TLE2: variants seen among roughly 807,000 people sequenced by gnomAD.
TLE2 encodes the protein transducin-like enhancer protein 2.
TLE2 carries 74 observed loss-of-function variants against 97.2 expected under a neutral mutation model. The observed-to-expected ratio is 0.76, with a 90% CI of 0.63 to 0.92. The LOEUF is 0.92. Among genes scored for constraint, TLE2 ranks in the 40% least tolerant of loss-of-function variants. TLE2 has a pLI of 0.00. For synonymous variants in TLE2, 499 were observed against 432.1 expected, an observed-to-expected ratio of 1.15 and a Z score of -1.92; for missense variants, 1,038 against 1,008.7, an observed-to-expected ratio of 1.03 and a Z score of -0.39.
At chr19:3,005,292 G>T in intron 17 of TLE2, 145 bp downstream of exon 17, 1 of 1,125,284 alleles carries the variant, frequency 8.9e-7, no homozygotes, top group Non-Finnish European at 1.2e-6. Flanking sequence ...GCCTGTGGAT[G>T]TGTCTGGGGG....
intron 14 of TLE2, among the ~76,000 whole-genome samples, chr19:3,008,036 C>A (rs1302743778): frequency 6.6e-6 from 1 of 152,162 alleles, no homozygotes; most frequent in Non-Finnish European, 1.5e-5. Context: ...GAGCTCAGAT[C>A]TCACCACCGT....
Position 3,006,632 on chromosome 19 carries a change from G to T in TLE2, c.1288C>A (p.Gln430Lys). ...GCATCCGAGGGGAAGGGAACCGGCTGCATCTGCCCGTCCGCAGACACGTGG... is the reference window on the plus strand; with the variant it reads ...GCATCCGAGGGGAAGGGAACCGGCTTCATCTGCCCGTCCGCAGACACGTGG... ...SFHVSADGQM[Q>K]PVPFPSDALV... The change falls in exon 15 of 20, where the codon CAG becomes AAG. Residue 430 changes from glutamine to lysine, a missense_variant. Physicochemically the swap from Gln to Lys is moderately conservative, Grantham distance 53 (BLOSUM62 1). Transcript: ENST00000262953. 6.2e-7 allele frequency: 1 copy of T among 1,609,910 alleles called. No homozygotes were observed.
rs1220243936 is a variant in TLE2, at chr19:3,019,813, C to T, written c.295-40G>A. 1 of 1,595,378 alleles carries T rather than the reference C, an allele frequency of 6.3e-7. No individual in the cohort carries two copies. Reference sequence around the variant, plus strand: ...GGATCAGGTAGAGGGTACATTGAGCCCCTGCTCATGCTAGCGGTGCCCTTG... The same window carrying T: ...GGATCAGGTAGAGGGTACATTGAGCTCCTGCTCATGCTAGCGGTGCCCTTG... On this transcript the variant is annotated intron_variant, in intron 5 of 19. Transcript: ENST00000262953. This position sits in a 1 kb window ranked among gnomAD's most constrained non-coding sequence, Gnocchi z 5.1.
At chr19:3,001,791 CTT>C (rs562875053) in intron 18 of TLE2, among the ~76,000 whole-genome samples, 50,274 of 110,864 alleles carry the variant, frequency 0.45, 11,448 homozygotes, top group East Asian at 0.61. Context: ...TCTTTTCTTT[CTT>C]TTTTTTTTTT....
chr19:3,016,419 C>CAAAAAAAAAA (rs34669546), intron 8 of TLE2, among the ~76,000 whole-genome samples: 71 of 91,012 alleles, frequency 7.8e-4, no homozygotes, highest in Non-Finnish European at 1.0e-3. Context: ...ACTAAAAATA[C>CAAAAAAAAAA]AAAAAAAAAA....
intron 1 of TLE2, among the ~76,000 whole-genome samples, chr19:3,039,784 G>A (rs941024643): frequency 2.6e-5 from 4 of 152,150 alleles, no homozygotes; most frequent in Admixed American, 6.6e-5. Flanking sequence ...CCTGCCCAGC[G>A]CTAACACAAC....
chr19:3,000,028 G>C (rs1302779874), intron 19 of TLE2, among the ~76,000 whole-genome samples: 1 of 150,390 alleles, frequency 6.6e-6, no homozygotes, highest in Non-Finnish European at 1.5e-5. Flanking sequence ...GCAAGATTCT[G>C]TCTCCAAAAA....
At chr19:3,036,117 G>T (rs2090060778) in intron 1 of TLE2, among the ~76,000 whole-genome samples, 1 of 152,190 alleles carries the variant, frequency 6.6e-6, no homozygotes, top group South Asian at 2.1e-4. Flanking sequence ...GAGCCTGGGG[G>T]CTCCAGGAAC....
intron 12 of TLE2, among the ~76,000 whole-genome samples, chr19:3,010,233 G>C (rs1228721381): frequency 1.3e-5 from 2 of 151,892 alleles, no homozygotes; most frequent in East Asian, 2.0e-4. Flanking sequence ...GCATGGTGGT[G>C]CATGCCCGTA....
intron 1 of TLE2, among the ~76,000 whole-genome samples, chr19:3,034,761 G>A (rs1260953163): frequency 6.6e-6 from 1 of 151,870 alleles, no homozygotes; most frequent in African/African-American, 2.4e-5. Flanking sequence ...TTTAGTCTAC[G>A]AACACCTCCA....
chr19:3,044,578 C>T (rs554232467), intron 1 of TLE2, among the ~76,000 whole-genome samples: 19 of 152,334 alleles, frequency 1.2e-4, no homozygotes, highest in African/African-American at 4.3e-4. Flanking sequence ...CGCCACCACG[C>T]CCGGCTAATT....
intron 5 of TLE2, among the ~76,000 whole-genome samples, chr19:3,024,479 C>T (rs2089905913): frequency 6.6e-6 from 1 of 152,068 alleles, no homozygotes. Context: ...CTGGCACCCC[C>T]CATTCTGCTT....
Position 3,006,588 on chromosome 19 carries a change from G to A in TLE2, c.1332C>T (p.Ile444=). 3 of 1,607,074 alleles carry A rather than the reference G, an allele frequency of 1.9e-6. No individual in the cohort carries two copies. ...TGTGCAGCTGCCGGGCGTGCCGCGG[G>A]ATGCCCGCGCCTACCAGTGCATCCG... The part of the protein sequence containing the change: ...FPSDALVGAG[I]PRHARQLHTL... Residue 444 remains isoleucine, a synonymous_variant, in exon 15 of 20, where the codon ATC becomes ATT. Transcript: ENST00000262953.
In TLE2 at chr19:2,997,743, T is replaced by G. The variant is rs769043492; in HGVS notation, c.*105A>C. The G allele has an allele frequency of 7.5e-6, 6 of 795,270 alleles. No individual in the cohort carries two copies. Among genetic ancestry groups the G allele is most frequent in the Non-Finnish European group, 1.3e-5 (6 of 470,862 alleles). 49.3% of individuals were successfully genotyped at this position (795,270 alleles called of 1,614,324 possible). A position where few individuals can be genotyped will look rare whatever the true frequency, so the allele number is the denominator to read the frequency against. The stretch of plus-strand genomic sequence containing the variant: ...GCCGTTGGCCAGAGAGCAGATGGGA[T>G]GTACGGTTCCTAGGCAGGGCTGGGA... On this transcript the variant is annotated 3_prime_UTR_variant, in exon 20 of 20. Transcript: ENST00000262953.
intron 4 of TLE2, 147 bp from the exon 5 acceptor site, chr19:3,025,229 G>T (rs1441732500): frequency 6.7e-5 from 73 of 1,082,154 alleles, no homozygotes; most frequent in Non-Finnish European, 8.5e-5. Context: ...GGCTAGCATG[G>T]CATGGGCCGA....
chr19:3,031,783 A>C (rs1305559601), upstream of TLE2, among the ~76,000 whole-genome samples: 1 of 152,084 alleles, frequency 6.6e-6, no homozygotes, highest in Non-Finnish European at 1.5e-5. Context: ...TTATCATTCA[A>C]GTCTCAGCTC....
intron 19 of TLE2, among the ~76,000 whole-genome samples, chr19:2,999,467 C>A (rs1474467759): frequency 6.6e-6 from 1 of 152,094 alleles, no homozygotes; most frequent in Admixed American, 6.6e-5. Flanking sequence ...GTGGCTCACA[C>A]CTGTAATCCC....
At chr19:3,009,854 T>C (rs561725625) in intron 12 of TLE2, among the ~76,000 whole-genome samples, 152 bp from the exon 13 acceptor site, 1 of 150,994 alleles carries the variant, frequency 6.6e-6, no homozygotes, top group Non-Finnish European at 1.5e-5. Context: ...CTCTGCACTA[T>C]CGTTCCTCCA....
chr19:3,031,807 T>A (rs556892223), upstream of TLE2, among the ~76,000 whole-genome samples: 1 of 152,272 alleles, frequency 6.6e-6, no homozygotes, highest in South Asian at 2.1e-4. Context: ...AGCTACCTCC[T>A]CAGAACGGCC....
Sources: gnomAD v4.1 joint callset for allele counts (sites outside exome capture counted in the v4.1 genomes callset) on GRCh38, gnomAD v4.1.1 for gene constraint, Gnocchi (gnomAD v3.1) non-coding constraint, MANE v1.5 for transcripts, NCBI Gene and HGNC (gene_info 2026-07-23, HGNC 2026-07-21) for gene names.